Variants in SLC9B1 observed in about 807,000 individuals in gnomAD.
The protein encoded by SLC9B1 is sodium/hydrogen exchanger 9B1.
In SLC9B1, 32 loss-of-function variants were observed where a neutral mutation model predicts 51.7. The ratio of observed to expected loss-of-function variants is 0.62; its 90% CI spans 0.47 to 0.83. The LOEUF (loss-of-function observed/expected upper bound fraction) is 0.83, where lower values mean the gene tolerates loss of function less well. Among genes scored for constraint, SLC9B1 ranks in the 40% least tolerant of loss-of-function variants. The pLI is 0.00. For synonymous variants in SLC9B1, 145 were observed against 212.7 expected, an observed-to-expected ratio of 0.68 and a Z score of 2.77; for missense variants, 406 against 613.2, an observed-to-expected ratio of 0.66 and a Z score of 3.57.
At position 102,989,820 on chromosome 4, in the gene SLC9B1, A is replaced by G; in HGVS notation, c.191T>C (p.Leu64Ser). The change falls in exon 3 of 12, where the codon TTG becomes TCG. Residue 64 changes from leucine (L) to serine (S), a missense_variant. By Grantham distance (145) the Leu-to-Ser change is moderately radical. Coordinates refer to ENST00000296422, the MANE Select transcript of SLC9B1 (RefSeq NM_139173.4). Reference sequence around the variant, plus strand: ...CATACCATTTGTAATAATTACATTCAATACTCCTCTTAGAGGACAAGAAAT... The same window carrying G: ...CATACCATTTGTAATAATTACATTCGATACTCCTCTTAGAGGACAAGAAAT... The part of the protein sequence containing the change: ...TYISCPLRGV[L>S]NVIITNGVIL... 6.3e-7 allele frequency: 1 copy of G among 1,587,490 alleles called. No individual in the cohort carries two copies. Among genetic ancestry groups the G allele is most frequent in the South Asian group, 1.2e-5 (1 of 86,954 alleles).
chr4:102,996,700 G>C (rs1393167943), intron 1 of SLC9B1, among the ~76,000 whole-genome samples: 4 of 151,920 alleles, frequency 2.6e-5, no homozygotes, highest in Admixed American at 2.6e-4. Flanking sequence ...TTGTAAATCA[G>C]GTAATCACAC....
intron 6 of SLC9B1, among the ~76,000 whole-genome samples, chr4:102,942,101 A>G (rs1241938778): frequency 6.6e-6 from 1 of 152,064 alleles, no homozygotes; most frequent in Non-Finnish European, 1.5e-5. Flanking sequence ...AACAAACAAA[A>G]CCAAAGAAAA....
At position 102,921,507 on chromosome 4, in the gene SLC9B1, C is replaced by T. The variant is rs186735519; in HGVS notation, c.830-9970G>A. ...GCTAGGAAGAAACTGCATCAATTAA[C>T]GGGCAAATAACCAGCAACTATCATA... On this transcript the variant is annotated intron_variant, in intron 7 of 11. Coordinates refer to ENST00000296422, the MANE Select transcript of SLC9B1 (RefSeq NM_139173.4). 3.4e-3 allele frequency among the ~76,000 whole-genome samples: 521 copies of T among 152,224 alleles called. 2 individuals are homozygous for T. Among genetic ancestry groups the T allele is most frequent in the Non-Finnish European group, 5.7e-3 (386 of 68,012 alleles).
chr4:102,991,476 T>A (rs1739935579), intron 2 of SLC9B1, among the ~76,000 whole-genome samples, 167 bp downstream of exon 2: 1 of 152,112 alleles, frequency 6.6e-6, no homozygotes, highest in Admixed American at 6.5e-5. Flanking sequence ...GTTTCATTAT[T>A]TCTGCTCATT....
intron 5 of SLC9B1, among the ~76,000 whole-genome samples, chr4:102,945,962 G>T (rs1163103605): frequency 2.0e-5 from 3 of 151,774 alleles, no homozygotes; most frequent in Non-Finnish European, 2.9e-5. Context: ...TAAAAGATTG[G>T]ATTTTACAAT....
chr4:102,989,526 T>A (rs1232035253), intron 3 of SLC9B1, among the ~76,000 whole-genome samples: 1 of 151,952 alleles, frequency 6.6e-6, no homozygotes, highest in African/African-American at 2.4e-5. Flanking sequence ...TTAAATAAAA[T>A]CCTTTAATCA....
rs1412512371 is a variant in SLC9B1 at position 102,911,436 on chromosome 4, C to T, written c.931G>A (p.Asp311Asn). ...GFFVRYFPSE[D>N]QKKLTLKRGF... is the part of the protein sequence containing the mutation. ...AAAATAGATTTTGTATTTACCTGGT[C>T]TTCACTTGGAAAATATCGAACAAAA... Residue 311 changes from aspartate (D) to asparagine (N), a missense_variant, in exon 8 of 12, where the codon GAC (aspartate) becomes AAC (asparagine). Coordinates refer to ENST00000296422, the MANE Select transcript of SLC9B1 (RefSeq NM_139173.4). 1 of 1,589,664 alleles carries T rather than the reference C, an allele frequency of 6.3e-7. No individual in the cohort carries two copies. The highest frequency in any genetic ancestry group is 8.5e-7 in the Non-Finnish European group (1 of 1,173,122).
At chr4:103,008,945 G>C (rs1203145965) in intron 1 of SLC9B1, among the ~76,000 whole-genome samples, 1 of 151,988 alleles carries the variant, frequency 6.6e-6, no homozygotes, top group Non-Finnish European at 1.5e-5. Context: ...GACTACGGGC[G>C]CGTGCCACCA....
chr4:102,912,562 G>A (rs201270259), intron 7 of SLC9B1, among the ~76,000 whole-genome samples: 11 of 152,162 alleles, frequency 7.2e-5, no homozygotes, highest in Non-Finnish European at 1.5e-4. Flanking sequence ...TAGTAAGTAA[G>A]TATATTTTTA....
At chr4:102,951,535 A>G (rs1044224026) in intron 3 of SLC9B1, among the ~76,000 whole-genome samples, 3 of 152,078 alleles carry the variant, frequency 2.0e-5, no homozygotes, top group Non-Finnish European at 4.4e-5. Context: ...ACTTGAAAGC[A>G]TTGTAAAATA....
chr4:102,918,536 T>G (rs1245744764), intron 7 of SLC9B1, among the ~76,000 whole-genome samples: 1 of 152,220 alleles, frequency 6.6e-6, no homozygotes, highest in Non-Finnish European at 1.5e-5. Flanking sequence ...GTTTATGTTC[T>G]CCCAATATTC....
chr4:102,946,866 T>G, intron 4 of SLC9B1, 77 bp from the exon 5 acceptor site: 1 of 1,326,262 alleles, frequency 7.5e-7, no homozygotes. Context: ...CTTTCTTTTC[T>G]AATGCACTAT....
At chr4:102,934,803 G>A (rs1736638683) in intron 6 of SLC9B1, among the ~76,000 whole-genome samples, 1 of 151,032 alleles carries the variant, frequency 6.6e-6, no homozygotes. Flanking sequence ...ATATATTTGT[G>A]ATCATGAGGT....
Position 102,945,299 on chromosome 4 carries a change from C to G in SLC9B1, c.547G>C (p.Val183Leu). The G allele has an allele frequency of 6.3e-7, 1 of 1,596,144 alleles. No homozygotes were observed. The highest frequency in any genetic ancestry group is 8.6e-7 in the Non-Finnish European group (1 of 1,168,408). Residue 183 changes from valine (V) to leucine (L), a missense_variant, in exon 6 of 12, where the codon GTT becomes CTT. Physicochemically the swap from Val to Leu is conservative, Grantham distance 32 (BLOSUM62 1). Coordinates refer to ENST00000296422, the MANE Select transcript of SLC9B1 (RefSeq NM_139173.4). ...GGACCTACAGCCAATCTGAAACAAA[C>G]GACCTTCAAATGCCTCAAAGCCTGA... Reference protein sequence around the residue: ...DPQALRHLKVVCFRLAVGPCL... With the variant: ...DPQALRHLKVLCFRLAVGPCL...
intron 2 of SLC9B1, among the ~76,000 whole-genome samples, chr4:102,990,147 T>G (rs1324615199): frequency 6.6e-6 from 1 of 152,020 alleles, no homozygotes; most frequent in African/African-American, 2.4e-5. Context: ...GATTGAACCT[T>G]TTATAGACTT....
At chr4:102,926,618 A>C (rs1404461954) in intron 7 of SLC9B1, among the ~76,000 whole-genome samples, 2 of 152,216 alleles carry the variant, frequency 1.3e-5, no homozygotes, top group African/African-American at 2.4e-5. Context: ...AAATTGAAGA[A>C]TATTCCATGC....
chr4:102,898,881 C>T (rs1426771222), downstream of SLC9B1, among the ~76,000 whole-genome samples: 3 of 152,194 alleles, frequency 2.0e-5, no homozygotes, highest in Non-Finnish European at 4.4e-5. Context: ...GCACCTGCCA[C>T]CACGCCTGGC....
At chr4:103,007,803 G>A (rs1027792098) in intron 1 of SLC9B1, among the ~76,000 whole-genome samples, 1 of 151,748 alleles carries the variant, frequency 6.6e-6, no homozygotes, top group African/African-American at 2.4e-5. Flanking sequence ...TGTTGCCCAG[G>A]CTGGTCTTGA....
At chr4:102,937,723 C>CAAAAA (rs35545999) in intron 6 of SLC9B1, among the ~76,000 whole-genome samples, 9 of 56,840 alleles carry the variant, frequency 1.6e-4, no homozygotes, top group Admixed American at 2.4e-4. Flanking sequence ...ACTCTGTCGC[C>CAAAAA]AAAAAAAAAA....
Sources: allele counts gnomAD v4.1 joint callset (sites outside exome capture counted in the v4.1 genomes callset), GRCh38; gene constraint gnomAD v4.1.1; transcripts MANE v1.5; gene names NCBI Gene and HGNC (gene_info 2026-07-23, HGNC 2026-07-21).